The following OSBP2 variants were observed in gnomAD, a reference collection of about 807,000 sequenced individuals.
The protein encoded by OSBP2 is oxysterol binding protein 2, also known as oxysterol-binding protein 2.
In OSBP2, 66 loss-of-function variants were observed where a neutral mutation model predicts 96.0. The observed-to-expected ratio is 0.69, with a 90% CI of 0.56 to 0.84. The LOEUF is 0.84. Among genes scored for constraint, OSBP2 ranks in the 40% least tolerant of loss-of-function variants. The pLI is 0.00. For synonymous variants in OSBP2, 525 were observed against 520.9 expected, an observed-to-expected ratio of 1.01 and a Z score of -0.11; for missense variants, 1,038 against 1,222.7, an observed-to-expected ratio of 0.85 and a Z score of 2.25.
intron 3 of OSBP2, among the ~76,000 whole-genome samples, chr22:30,875,606 A>T (rs2147121607): frequency 6.6e-6 from 1 of 152,210 alleles, no homozygotes; most frequent in Non-Finnish European, 1.5e-5. Flanking sequence ...TCCCGACTGC[A>T]GGTAATCCGC....
At chr22:30,825,138 A>G (rs984595408) in intron 2 of OSBP2, among the ~76,000 whole-genome samples, 3 of 152,198 alleles carry the variant, frequency 2.0e-5, no homozygotes, top group African/African-American at 7.2e-5. Context: ...CCTGGCCTTC[A>G]GCCGACTTCT....
intron 3 of OSBP2, among the ~76,000 whole-genome samples, chr22:30,882,500 A>G (rs2039722916): frequency 8.7e-6 from 1 of 114,656 alleles, no homozygotes; most frequent in East Asian, 2.9e-4. Context: ...TCGGTCATGC[A>G]CACTATAAAA....
intron 2 of OSBP2, among the ~76,000 whole-genome samples, chr22:30,756,647 C>G (rs2090144113): frequency 6.6e-6 from 1 of 152,128 alleles, no homozygotes; most frequent in South Asian, 2.1e-4. Flanking sequence ...GAGCAAAGAT[C>G]ATGCCGCTGC....
chr22:30,800,531 G>A (rs1015404405), intron 2 of OSBP2, among the ~76,000 whole-genome samples: 3 of 152,196 alleles, frequency 2.0e-5, no homozygotes, highest in Non-Finnish European at 2.9e-5. Context: ...CAGCAACATT[G>A]GTGATACAGG....
At chr22:30,783,812 G>A (rs759329895) in intron 2 of OSBP2, among the ~76,000 whole-genome samples, 1 of 152,160 alleles carries the variant, frequency 6.6e-6, no homozygotes, top group Non-Finnish European at 1.5e-5. Flanking sequence ...TCAACCTGGC[G>A]CTCTTGCTCG....
At chr22:30,905,668 G>A (rs1162101082) in intron 12 of OSBP2, among the ~76,000 whole-genome samples, 169 bp from the exon 13 acceptor site, 3 of 152,224 alleles carry the variant, frequency 2.0e-5, no homozygotes, top group Admixed American at 6.5e-5. Context: ...ACTGGGTTCC[G>A]CCGGGTGGGC....
At chr22:30,759,035 T>C (rs958100313) in intron 2 of OSBP2, among the ~76,000 whole-genome samples, 1 of 152,144 alleles carries the variant, frequency 6.6e-6, no homozygotes, top group Non-Finnish European at 1.5e-5. Context: ...CTGTGGCCAC[T>C]GGCTGGCACA....
rs367849952 is a variant in OSBP2 at position 30,879,380 on chromosome 22, T to C, written c.1108-8046T>C. ...TGTGCGAGTGGCAAACTATTTTGAA[T>C]GTGGAGAGGCTATTTTAAAGTTTTA... On this transcript the variant is annotated intron_variant, in intron 3 of 13. Transcript: ENST00000332585. 1.6e-4 allele frequency among the ~76,000 whole-genome samples: 25 copies of C among 152,366 alleles called. No individual in the cohort carries two copies. The East Asian group carries it at 2.1e-3, about 13-fold the overall frequency.
chr22:30,897,881 C>T (rs1199479155), intron 12 of OSBP2, among the ~76,000 whole-genome samples: 1 of 149,580 alleles, frequency 6.7e-6, no homozygotes, highest in Non-Finnish European at 1.5e-5. Flanking sequence ...ACCTGGAAGG[C>T]AGAGGTGGCA....
chr22:30,693,862 G>A (rs2088969785), upstream of OSBP2: 1 of 540,380 alleles, frequency 1.9e-6, no homozygotes, highest in Non-Finnish European at 3.3e-6. Context: ...CTACTAGGGA[G>A]GCCAAGGCAG....
chr22:30,873,368 A>G (rs531244431), intron 3 of OSBP2, among the ~76,000 whole-genome samples: 49 of 152,252 alleles, frequency 3.2e-4, no homozygotes, highest in Non-Finnish European at 5.7e-4. Context: ...CCCAACCTCA[A>G]AGATCTCCGT....
intron 2 of OSBP2, among the ~76,000 whole-genome samples, chr22:30,787,843 C>A (rs2090615451): frequency 6.6e-6 from 1 of 152,040 alleles, no homozygotes; most frequent in South Asian, 2.1e-4. Context: ...ATCAAAAGAA[C>A]CTTGGAGGGG....
chr22:30,804,697 C>A (rs2090902280), intron 2 of OSBP2, among the ~76,000 whole-genome samples: 1 of 152,208 alleles, frequency 6.6e-6, no homozygotes, highest in African/African-American at 2.4e-5. Flanking sequence ...ACTTGATTTA[C>A]ATTATTCTTG....
intron 3 of OSBP2, among the ~76,000 whole-genome samples, chr22:30,885,939 TCCCCAAGGA>T (rs1373102721): frequency 6.6e-6 from 1 of 152,072 alleles, no homozygotes; most frequent in Non-Finnish European, 1.5e-5. Flanking sequence ...GGTTCCCACA[TCCCCAAGGA>T]GGCCAAAGGG....
intron 1 of OSBP2, among the ~76,000 whole-genome samples, chr22:30,707,126 C>A (rs1256676104): frequency 2.0e-5 from 3 of 151,904 alleles, no homozygotes; most frequent in Non-Finnish European, 4.4e-5. Context: ...GAGACGGAGT[C>A]TAGCTTTGTC....
intron 2 of OSBP2, among the ~76,000 whole-genome samples, chr22:30,844,312 TG>T (rs1408067804): frequency 6.6e-6 from 1 of 152,216 alleles, no homozygotes; most frequent in African/African-American, 2.4e-5. Flanking sequence ...ACTTCTCCTC[TG>T]TAGCTATGAA....
chr22:30,760,686 C>G (rs2090195512), intron 2 of OSBP2, among the ~76,000 whole-genome samples: 1 of 151,918 alleles, frequency 6.6e-6, no homozygotes, highest in African/African-American at 2.4e-5. Context: ...CATGGTGGTG[C>G]ACACCTGTAG....
chr22:30,705,547 C>T (rs1201696568), intron 1 of OSBP2, among the ~76,000 whole-genome samples: 5 of 152,240 alleles, frequency 3.3e-5, no homozygotes, highest in Non-Finnish European at 1.5e-5. Flanking sequence ...CCTGCCTTGG[C>T]CTCCCAAAGT....
At chr22:30,885,819 C>T (rs1011340588) in intron 3 of OSBP2, among the ~76,000 whole-genome samples, 3 of 152,262 alleles carry the variant, frequency 2.0e-5, no homozygotes, top group African/African-American at 7.2e-5. Flanking sequence ...GCTGGGGAGG[C>T]AGCGTGCAGA....
Sources: gnomAD v4.1 joint callset for allele counts (sites outside exome capture counted in the v4.1 genomes callset) on GRCh38, gnomAD v4.1.1 for gene constraint, MANE v1.5 for transcripts, NCBI Gene and HGNC (gene_info 2026-07-23, HGNC 2026-07-21) for gene names.